ARHGAP31: variants seen among roughly 807,000 people sequenced by gnomAD.
The protein encoded by ARHGAP31 is Rho GTPase activating protein 31.
In ARHGAP31, 34 loss-of-function variants were observed where a neutral mutation model predicts 113.9. The observed-to-expected ratio is 0.30, with a 90% confidence interval of 0.23 to 0.40. The LOEUF (loss-of-function observed/expected upper bound fraction) is 0.40, where lower values mean the gene tolerates loss of function less well. Among genes scored for constraint, ARHGAP31 ranks in the 10% least tolerant of loss-of-function variants. The probability of loss-of-function intolerance (pLI) is 1.00; values close to 1 mark genes in which losing one functional copy is unlikely to be tolerated. For synonymous variants in ARHGAP31, 650 were observed against 684.8 expected, an observed-to-expected ratio of 0.95 and a Z score of 0.79; for missense variants, 1,548 against 1,767.1, an observed-to-expected ratio of 0.88 and a Z score of 2.22.
intron 1 of ARHGAP31, among the ~76,000 whole-genome samples, chr3:119,296,755 A>G (rs1452717812): frequency 6.6e-6 from 1 of 152,162 alleles, no homozygotes; most frequent in Non-Finnish European, 1.5e-5. Flanking sequence ...ATTTAGACAA[A>G]AAAAAACAGA....
At chr3:119,359,750 G>T (rs534979677) in intron 1 of ARHGAP31, among the ~76,000 whole-genome samples, 52 of 152,242 alleles carry the variant, frequency 3.4e-4, no homozygotes, top group Admixed American at 5.2e-4. Flanking sequence ...GAAACGCCTA[G>T]GAAGTTCTGT....
chr3:119,389,359 T>A (rs550926938), intron 6 of ARHGAP31, among the ~76,000 whole-genome samples: 28 of 152,318 alleles, frequency 1.8e-4, no homozygotes, highest in African/African-American at 6.3e-4. Context: ...TGTATGTATT[T>A]ATTTTTATGT....
chr3:119,322,019 T>G (rs947170400), intron 1 of ARHGAP31, among the ~76,000 whole-genome samples: 2 of 152,248 alleles, frequency 1.3e-5, no homozygotes, highest in Admixed American at 1.3e-4. Context: ...TTTATAGTTA[T>G]GATTGTTTTA....
chr3:119,358,644 G>A (rs1285916897), intron 1 of ARHGAP31, among the ~76,000 whole-genome samples: 1 of 152,106 alleles, frequency 6.6e-6, no homozygotes, highest in African/African-American at 2.4e-5. Context: ...GCTTTATTTG[G>A]AATTTTATTC....
chr3:119,367,952 T>C (rs895802918), intron 2 of ARHGAP31, among the ~76,000 whole-genome samples: 3 of 152,022 alleles, frequency 2.0e-5, no homozygotes, highest in African/African-American at 2.4e-5. Flanking sequence ...CACAGATATA[T>C]GGAGATGAGC....
chr3:119,402,287 C>G lies in ARHGAP31; in HGVS notation c.1535C>G (p.Pro512Arg). 1 of 1,614,256 alleles carries G rather than the reference C, an allele frequency of 6.2e-7. No individual in the cohort carries two copies. ...ACCAACAGCACGCCGTGCAGAACAC[C>G]CCCGAAGGAGCTGCAGTCTCTTTCC... Reference protein sequence around the residue: ...ISTNSTPCRTPPKELQSLSSL... With the variant: ...ISTNSTPCRTRPKELQSLSSL... The change falls in exon 10 of 12, where the codon CCC becomes CGC. Residue 512 changes from proline (P) to arginine (R), a missense_variant. Transcript: ENST00000264245.
intron 1 of ARHGAP31, among the ~76,000 whole-genome samples, chr3:119,322,995 G>T (rs563788611): frequency 2.6e-5 from 4 of 152,242 alleles, no homozygotes; most frequent in Admixed American, 2.6e-4. Context: ...CCCGCCCCGG[G>T]GTCCGGGCGC....
intron 10 of ARHGAP31, among the ~76,000 whole-genome samples, chr3:119,404,019 T>G (rs192717488): frequency 1.8e-3 from 280 of 152,286 alleles, no homozygotes; most frequent in African/African-American, 6.6e-3. Flanking sequence ...TCCTCCCATT[T>G]CCTTTCAGGA....
At chr3:119,319,006 G>A (rs1436198312) in intron 1 of ARHGAP31, among the ~76,000 whole-genome samples, 1 of 151,944 alleles carries the variant, frequency 6.6e-6, no homozygotes, top group Non-Finnish European at 1.5e-5. Context: ...TGCTGGTCTA[G>A]TCTATCTTGG....
At chr3:119,364,047 T>C (rs1360558764) in intron 1 of ARHGAP31, among the ~76,000 whole-genome samples, 1 of 152,164 alleles carries the variant, frequency 6.6e-6, no homozygotes, top group African/African-American at 2.4e-5. Context: ...GGCCTGTATC[T>C]GCCCCTGTTG....
intron 10 of ARHGAP31, among the ~76,000 whole-genome samples, chr3:119,406,384 C>T (rs571929344): frequency 6.6e-6 from 1 of 152,134 alleles, no homozygotes; most frequent in Non-Finnish European, 1.5e-5. Context: ...CCCTTTCACC[C>T]AAAAGTTTCA....
At chr3:119,403,225 G>A (rs1450074660) in intron 10 of ARHGAP31, among the ~76,000 whole-genome samples, 1 of 152,178 alleles carries the variant, frequency 6.6e-6, no homozygotes, top group African/African-American at 2.4e-5. Flanking sequence ...CTATTAGGTT[G>A]TCAGGCACTC....
chr3:119,388,134 G>A (rs1336478051), intron 6 of ARHGAP31, among the ~76,000 whole-genome samples: 1 of 152,062 alleles, frequency 6.6e-6, no homozygotes, highest in East Asian at 1.9e-4. Context: ...CCACTCTGGT[G>A]GGTACCAAAG....
In ARHGAP31 at chr3:119,365,405, A is replaced by G. The variant is rs943528769; in HGVS notation, c.190A>G (p.Ile64Val). 3 of 1,613,852 alleles carry G rather than the reference A, an allele frequency of 1.9e-6. No individual in the cohort carries two copies. Among genetic ancestry groups the G allele is most frequent in the South Asian group, 2.2e-5 (2 of 91,086 alleles). ...TCGGCTTTCAGGAGTCACCTCAAAC[A>G]TACAACGGCTAAGGTAAGCTAAAAG... Reference protein sequence around the residue: ...IYRLSGVTSNIQRLRQEFGSD... With the variant: ...IYRLSGVTSNVQRLRQEFGSD... The change falls in exon 2 of 12, where the codon ATA (isoleucine) becomes GTA (valine). Residue 64 changes from isoleucine to valine, a missense_variant. By Grantham distance (29) the Ile-to-Val change is conservative. Coordinates refer to ENST00000264245, the MANE Select transcript of ARHGAP31 (RefSeq NM_020754.4).
At position 119,415,716 on chromosome 3, in the gene ARHGAP31, C is replaced by T. The variant is rs775381406; in HGVS notation, c.3787C>T (p.Pro1263Ser). ...SSLESSKEEKPKQDPGAIKSS... is the reference protein window; with the variant it reads ...SSLESSKEEKSKQDPGAIKSS... Reference sequence around the variant, plus strand: ...CCTGGAAAGCTCAAAGGAAGAAAAACCAAAGCAAGATCCCGGAGCCATTAA... The same window carrying T: ...CCTGGAAAGCTCAAAGGAAGAAAAATCAAAGCAAGATCCCGGAGCCATTAA... The change falls in exon 12 of 12, where the codon CCA becomes TCA. Residue 1263 changes from proline (P) to serine (S), a missense_variant. Pro to Ser is a moderately conservative substitution (Grantham distance 74, BLOSUM62 -1). Coordinates refer to ENST00000264245, the MANE Select transcript of ARHGAP31 (RefSeq NM_020754.4). 9.9e-6 allele frequency: 16 copies of T among 1,613,992 alleles called. No individual in the cohort carries two copies. The highest frequency in any genetic ancestry group is 1.4e-5 in the Non-Finnish European group (16 of 1,179,986).
At chr3:119,404,746 G>T (rs142664242) in intron 10 of ARHGAP31, among the ~76,000 whole-genome samples, 1 of 152,178 alleles carries the variant, frequency 6.6e-6, no homozygotes, top group African/African-American at 2.4e-5. Flanking sequence ...CGAGTAAGTA[G>T]TGCATTTTAA....
At position 119,390,869 on chromosome 3, in the gene ARHGAP31, G is replaced by A. The variant is rs758743158; in HGVS notation, c.767G>A (p.Arg256His). Reference sequence around the variant, plus strand: ...GTGAGCCTTGAGGAAGCTCAAGCCCGCAGCCTGGCCACTAACCATCCTGCT... The same window carrying A: ...GTGAGCCTTGAGGAAGCTCAAGCCCACAGCCTGGCCACTAACCATCCTGCT... ...KLVSLEEAQARSLATNHPARK... is the reference protein window; with the variant it reads ...KLVSLEEAQAHSLATNHPARK... The change falls in exon 7 of 12, where the codon CGC becomes CAC. Residue 256 changes from arginine (R) to histidine (H), a missense_variant. Physicochemically the swap from Arg to His is conservative, Grantham distance 29 (BLOSUM62 0). Transcript: ENST00000264245. 1.2e-5 allele frequency: 19 copies of A among 1,613,874 alleles called. No homozygotes were observed. Among genetic ancestry groups the A allele is most frequent in the African/African-American group, 2.7e-5 (2 of 74,918 alleles).
intron 1 of ARHGAP31, among the ~76,000 whole-genome samples, chr3:119,364,408 A>T (rs1299890411): frequency 6.6e-6 from 1 of 152,198 alleles, no homozygotes; most frequent in Non-Finnish European, 1.5e-5. Flanking sequence ...TTTTTCTTCT[A>T]AAAAAATGGA....
At chr3:119,323,173 G>T (rs1452892353) in intron 1 of ARHGAP31, among the ~76,000 whole-genome samples, 3 of 152,114 alleles carry the variant, frequency 2.0e-5, no homozygotes, top group Non-Finnish European at 4.4e-5. Context: ...GCGGCGACAG[G>T]AAAGCCCGCG....
Sources: gnomAD v4.1 joint callset for allele counts (sites outside exome capture counted in the v4.1 genomes callset) on GRCh38, gnomAD v4.1.1 for gene constraint, MANE v1.5 for transcripts, NCBI Gene and HGNC (gene_info 2026-07-23, HGNC 2026-07-21) for gene names.